Variants in PIK3CB observed in about 807,000 individuals in gnomAD.
The protein encoded by PIK3CB is phosphatidylinositol-4,5-bisphosphate 3-kinase catalytic subunit beta, also known as phosphatidylinositol 4,5-bisphosphate 3-kinase catalytic subunit beta isoform.
Under a neutral mutation model 136.8 loss-of-function variants are expected in PIK3CB, and 39 were observed. That is an observed-to-expected ratio of 0.29 (90% CI 0.22 to 0.37). The LOEUF (loss-of-function observed/expected upper bound fraction) is 0.37. Ranked by LOEUF, PIK3CB falls within the 10% of genes least tolerant of loss-of-function variation. The pLI is 1.00. For missense variants in PIK3CB, 868 were observed against 1,275.4 expected (o/e 0.68, Z 4.87); for synonymous variants, 428 against 436.6 (o/e 0.98, Z 0.25).
chr3:138,761,686 C>T (rs1194148230), intron 2 of PIK3CB, among the ~76,000 whole-genome samples: 1 of 152,122 alleles, frequency 6.6e-6, no homozygotes, highest in Non-Finnish European at 1.5e-5. Context: ...ACGAGAATTG[C>T]TTGAACCTGG....
At chr3:138,769,760 T>A (rs1378369017) in intron 2 of PIK3CB, among the ~76,000 whole-genome samples, 1 of 152,192 alleles carries the variant, frequency 6.6e-6, no homozygotes, top group African/African-American at 2.4e-5. Context: ...GAAAATAAAA[T>A]ATATTCTGCT....
intron 1 of PIK3CB, among the ~76,000 whole-genome samples, chr3:138,798,298 G>A (rs1300917138): frequency 6.6e-6 from 1 of 152,154 alleles, no homozygotes; most frequent in East Asian, 1.9e-4. Flanking sequence ...CCAGGTAGCT[G>A]GGACTAGAGA....
At chr3:138,759,132 A>G in intron 3 of PIK3CB, 41 bp downstream of exon 3, 1 of 1,218,604 alleles carries the variant, frequency 8.2e-7, no homozygotes, top group Non-Finnish European at 1.2e-6. Flanking sequence ...CCCAAGTGAC[A>G]CAGTATGCTA....
At chr3:138,734,605 GT>G in intron 7 of PIK3CB, 28 bp downstream of exon 7, 1 of 1,529,900 alleles carries the variant, frequency 6.5e-7, no homozygotes, top group Non-Finnish European at 9.0e-7. Context: ...GGCTTTTGGG[GT>G]TACTAAAGGT....
chr3:138,669,135 G>A lies in PIK3CB; in HGVS notation c.2505-3932C>T, dbSNP rs535132323. ...GGTCTCTTAAAAGGGAAGTAGGCCA[G>A]GTGCGGTGGCTCACGCCTGTAATCC... On this transcript the variant is annotated intron_variant, in intron 19 of 23. Transcript: ENST00000674063. 1.2e-3 allele frequency among the ~76,000 whole-genome samples: 176 copies of A among 152,292 alleles called. 1 individual carries two copies. Among genetic ancestry groups the A allele is most frequent in the African/African-American group, 4.2e-3 (173 of 41,564 alleles).
In PIK3CB at chr3:138,674,202, C is replaced by T. The variant is rs2043598851; in HGVS notation, c.2504+7765G>A. On this transcript the variant is annotated intron_variant, in intron 19 of 23. Coordinates refer to ENST00000674063, the MANE Select transcript of PIK3CB (RefSeq NM_006219.3). ...TGTGCATGGATACTATTGTGGATTC[C>T]CAGGTCTGTGTACATGCAAAGGAAA... Among the ~76,000 whole-genome samples, 5 of 151,836 alleles carry T rather than the reference C, an allele frequency of 3.3e-5. No homozygotes were observed. The South Asian group carries it at 1.0e-3, about 32-fold the overall frequency.
rs2108380759 is a variant in PIK3CB, at chr3:138,655,373, G to A, written c.*16C>T. 2 of 1,613,218 alleles carry A rather than the reference G, an allele frequency of 1.2e-6. No individual in the cohort carries two copies. Among genetic ancestry groups the A allele is most frequent in the Non-Finnish European group, 1.7e-6 (2 of 1,179,448 alleles). On this transcript the variant is annotated 3_prime_UTR_variant, in exon 24 of 24. Coordinates refer to ENST00000674063, the MANE Select transcript of PIK3CB (RefSeq NM_006219.3). ...GAAATGAAACCAACAAATACATTAG[G>A]AGCGAAGGCTGATCGTTAAGATCTG...
At position 138,693,968 on chromosome 3, in the gene PIK3CB, A is replaced by ATATATAT. The variant is rs1559819849; in HGVS notation, c.1892+811_1892+817dup. The stretch of plus-strand genomic sequence containing the variant: ...ATATATATATATATATATATATATT[A>ATATATAT]TATATATATATATATATATATATAT... On this transcript the variant is annotated intron_variant, in intron 14 of 23. Coordinates refer to ENST00000674063, the MANE Select transcript of PIK3CB (RefSeq NM_006219.3). Among the ~76,000 whole-genome samples, 52 of 59,000 alleles carry ATATATAT rather than the reference A, an allele frequency of 8.8e-4. 1 individual carries two copies. The highest frequency in any genetic ancestry group is 7.6e-4 in the Non-Finnish European group (27 of 35,482). 38.7% of individuals were successfully genotyped at this position (59,000 alleles called of 152,430 possible). A position where few individuals can be genotyped will look rare whatever the true frequency, so the allele number is the denominator to read the frequency against.
At chr3:138,787,006 A>G (rs986357132) in intron 2 of PIK3CB, among the ~76,000 whole-genome samples, 2 of 152,248 alleles carry the variant, frequency 1.3e-5, no homozygotes, top group African/African-American at 4.8e-5. Context: ...AGCACACCAC[A>G]TTATCAAAGG....
intron 13 of PIK3CB, among the ~76,000 whole-genome samples, chr3:138,697,141 T>C (rs1345093880): frequency 1.3e-5 from 2 of 152,122 alleles, no homozygotes. Flanking sequence ...TCTAATGAAA[T>C]AATATGATGC....
intron 2 of PIK3CB, among the ~76,000 whole-genome samples, chr3:138,784,630 C>T (rs995739264): frequency 2.6e-5 from 4 of 152,172 alleles, no homozygotes; most frequent in Admixed American, 1.3e-4. Context: ...GGGGTTTCGC[C>T]CTGTTGGCTG....
intron 8 of PIK3CB, among the ~76,000 whole-genome samples, chr3:138,722,826 T>A (rs556526097): frequency 4.6e-5 from 7 of 152,106 alleles, no homozygotes; most frequent in African/African-American, 1.7e-4. Flanking sequence ...AACTTGAGCA[T>A]GGTGACAATT....
chr3:138,763,146 G>GTATGTATGTATGTATGTATA (rs2045686085), intron 2 of PIK3CB, among the ~76,000 whole-genome samples: 2 of 150,920 alleles, frequency 1.3e-5, no homozygotes, highest in Non-Finnish European at 2.9e-5. Flanking sequence ...ATGTATGTAT[G>GTATGTATGTATGTATGTATA]TATTTGTTTA....
chr3:138,826,099 A>G, intron 1 of PIK3CB: 1 of 1,052,350 alleles, frequency 9.5e-7, no homozygotes, highest in Non-Finnish European at 1.4e-6. Flanking sequence ...TCTAGTAAGA[A>G]GCTGGAAGAT....
At chr3:138,825,534 C>T in intron 1 of PIK3CB, 2 of 661,322 alleles carry the variant, frequency 3.0e-6, no homozygotes, top group Admixed American at 4.5e-5. Flanking sequence ...CTGGTGGGAA[C>T]AGTGACAACA....
intron 2 of PIK3CB, among the ~76,000 whole-genome samples, chr3:138,788,098 T>C (rs1401745665): frequency 1.3e-5 from 2 of 151,890 alleles, no homozygotes; most frequent in Non-Finnish European, 2.9e-5. Context: ...AGTTTTTGTA[T>C]TTTTGGTGGA....
chr3:138,745,298 G>C (rs1037530807), intron 4 of PIK3CB, among the ~76,000 whole-genome samples: 3 of 151,946 alleles, frequency 2.0e-5, no homozygotes, highest in Admixed American at 1.3e-4. Flanking sequence ...GGTGGCCACG[G>C]GCATCATCCA....
intron 11 of PIK3CB, 46 bp from the exon 12 acceptor site, chr3:138,704,539 T>C: frequency 1.5e-6 from 2 of 1,303,762 alleles, no homozygotes; most frequent in East Asian, 4.6e-5. Flanking sequence ...CTCATATTTG[T>C]AGAATTTTAA....
chr3:138,785,910 A>G (rs2045977491), intron 2 of PIK3CB, among the ~76,000 whole-genome samples: 1 of 152,192 alleles, frequency 6.6e-6, no homozygotes, highest in African/African-American at 2.4e-5. Flanking sequence ...AGTAACAAAA[A>G]ACTAGGCATA....
Sources: gnomAD v4.1 joint callset for allele counts (sites outside exome capture counted in the v4.1 genomes callset) on GRCh38, gnomAD v4.1.1 for gene constraint, MANE v1.5 for transcripts, NCBI Gene and HGNC (gene_info 2026-07-23, HGNC 2026-07-21) for gene names.